KCNK9: variants seen among roughly 807,000 people sequenced by gnomAD.
The protein encoded by KCNK9 is potassium two pore domain channel subfamily K member 9, also known as potassium channel subfamily K member 9.
KCNK9 carries 1 observed loss-of-function variant against 10.8 expected under a neutral mutation model. The ratio of observed to expected loss-of-function variants is 0.09; its 90% CI spans 0.03 to 0.44. The LOEUF is 0.44. Ranked by LOEUF, KCNK9 falls within the 20% of genes least tolerant of loss-of-function variation. KCNK9 has a pLI of 0.97. For missense variants in KCNK9, 303 were observed against 515.0 expected (o/e 0.59, Z 3.98); for synonymous variants, 231 against 222.7 (o/e 1.04, Z -0.33).
chr8:139,618,209 A>G lies in KCNK9; in HGVS notation c.*49T>C, dbSNP rs759124317. 4.3e-6 allele frequency: 7 copies of G among 1,612,724 alleles called. No individual in the cohort carries two copies. Among genetic ancestry groups the G allele is most frequent in the Non-Finnish European group, 5.9e-6 (7 of 1,178,752 alleles). On this transcript the variant is annotated 3_prime_UTR_variant, in exon 2 of 2. Coordinates refer to ENST00000520439, the MANE Select transcript of KCNK9 (RefSeq NM_001282534.2). This position sits in a 1 kb window ranked among gnomAD's most constrained non-coding sequence, Gnocchi z 7.9. ...AAGACGAGTTGGACCAATGGAAATT[A>G]ACACCAACTATGACAAATGACTTTT...
intron 1 of KCNK9, among the ~76,000 whole-genome samples, chr8:139,667,575 A>G (rs1344722638): frequency 2.0e-5 from 3 of 152,026 alleles, no homozygotes; most frequent in Non-Finnish European, 4.4e-5. Flanking sequence ...GCATGCCTGT[A>G]ATCCCAGCTA....
rs113043575 is a variant in KCNK9, at chr8:139,675,352, C to T, written c.283+27358G>A. ...CGCTCTGCAGTGGACTCAGTGTGTC[C>T]CCTAAAATCCATATGTTAAAATTTT... On this transcript the variant is annotated intron_variant, in intron 1 of 1. Coordinates refer to ENST00000520439, the MANE Select transcript of KCNK9 (RefSeq NM_001282534.2). Among the ~76,000 whole-genome samples, 1,186 of 152,320 alleles carry T rather than the reference C, an allele frequency of 7.8e-3. 12 individuals are homozygous for T. Among genetic ancestry groups the T allele is most frequent in the African/African-American group, 0.027 (1,134 of 41,564 alleles).
intron 1 of KCNK9, among the ~76,000 whole-genome samples, chr8:139,651,025 G>A (rs1287871951): frequency 6.6e-6 from 1 of 152,194 alleles, no homozygotes; most frequent in African/African-American, 2.4e-5. Context: ...TGGGCTGCAG[G>A]TCAGGGAGCC....
intron 1 of KCNK9, among the ~76,000 whole-genome samples, chr8:139,687,352 ATGTATACATATATATG>A (rs1816813478): frequency 6.8e-6 from 1 of 147,152 alleles, no homozygotes; most frequent in South Asian, 2.1e-4. Context: ...ATATATATAT[ATGTATACATATATATG>A]TGTATACATA....
chr8:139,607,918 C>T (rs1814281363), downstream of KCNK9, among the ~76,000 whole-genome samples: 1 of 152,150 alleles, frequency 6.6e-6, no homozygotes, highest in Non-Finnish European at 1.5e-5. Context: ...AAGTGACTTG[C>T]CAAGACCAAG....
chr8:139,669,947 T>C (rs189076898), intron 1 of KCNK9, among the ~76,000 whole-genome samples: 17 of 152,324 alleles, frequency 1.1e-4, no homozygotes, highest in Non-Finnish European at 2.4e-4. Context: ...CATTAATCTC[T>C]TTGTACATCT....
chr8:139,646,341 T>G (rs1815677897), intron 1 of KCNK9, among the ~76,000 whole-genome samples: 1 of 152,142 alleles, frequency 6.6e-6, no homozygotes, highest in Non-Finnish European at 1.5e-5. Context: ...CATTTCTGAG[T>G]CTCTTCCAGT....
intron 1 of KCNK9, among the ~76,000 whole-genome samples, chr8:139,690,779 TG>T (rs1816919718): frequency 6.6e-6 from 1 of 152,162 alleles, no homozygotes; most frequent in Admixed American, 6.5e-5. Flanking sequence ...TTCATGACCT[TG>T]GGCAAGTCAC....
intron 2 of KCNK9, among the ~76,000 whole-genome samples, chr8:139,605,964 C>T (rs890876400): frequency 1.3e-5 from 2 of 152,088 alleles, no homozygotes; most frequent in Non-Finnish European, 1.5e-5. Context: ...GTGAAGGTGC[C>T]ATCTCCACAG....
intron 1 of KCNK9, among the ~76,000 whole-genome samples, chr8:139,655,186 C>A (rs1815986104): frequency 6.6e-6 from 1 of 152,108 alleles, no homozygotes. Context: ...AGGCTGCAGA[C>A]CCCTGTGGCC....
intron 1 of KCNK9, among the ~76,000 whole-genome samples, chr8:139,627,375 T>C (rs1005734988): frequency 3.9e-5 from 6 of 152,310 alleles, no homozygotes; most frequent in African/African-American, 1.2e-4. Context: ...GTAGGCACTC[T>C]GATGGTTTCA....
intron 1 of KCNK9, among the ~76,000 whole-genome samples, chr8:139,633,382 A>G (rs994959773): frequency 1.3e-5 from 2 of 152,144 alleles, no homozygotes; most frequent in African/African-American, 2.4e-5. Context: ...ATAGTCACTC[A>G]GTATCCTTGT....
rs201979190 is a variant in KCNK9 at position 139,619,074 on chromosome 8, G to A, written c.309C>T (p.Thr103=). The A allele has an allele frequency of 6.0e-5, 97 of 1,614,148 alleles. No homozygotes were observed. In the East Asian group the frequency reaches 8.9e-4, roughly 15 times the overall value. ...TIGYGHAAPG[T]DAGKAFCMFY... is the part of the protein sequence containing the mutation. ...ACATGCAGAAGGCCTTGCCCGCATC[G>A]GTGCCAGGTGCAGCGTGCCCATAAC... Residue 103 remains threonine, a synonymous_variant, in exon 2 of 2, where the codon ACC becomes ACT. Transcript: ENST00000520439.
chr8:139,620,693 C>A (rs752395528), intron 1 of KCNK9, among the ~76,000 whole-genome samples: 1 of 152,194 alleles, frequency 6.6e-6, no homozygotes, highest in African/African-American at 2.4e-5. Context: ...TCCAGAAGGC[C>A]TTCCCCCCAT....
At chr8:139,638,332 T>C (rs1815398715) in intron 1 of KCNK9, among the ~76,000 whole-genome samples, 1 of 152,192 alleles carries the variant, frequency 6.6e-6, no homozygotes, top group South Asian at 2.1e-4. Context: ...ACCAAGCCTA[T>C]GTCAATCAGA....
chr8:139,670,379 G>A (rs1250567935), intron 1 of KCNK9, among the ~76,000 whole-genome samples: 1 of 152,108 alleles, frequency 6.6e-6, no homozygotes, highest in East Asian at 1.9e-4. Flanking sequence ...ACACCAGTGG[G>A]CTTGATGACA....
chr8:139,646,909 C>T (rs1815704193), intron 1 of KCNK9, among the ~76,000 whole-genome samples: 1 of 152,238 alleles, frequency 6.6e-6, no homozygotes, highest in African/African-American at 2.4e-5. Flanking sequence ...CTGTGTGAAG[C>T]TCTATCATCT....
chr8:139,663,384 G>A (rs562702427), intron 1 of KCNK9, among the ~76,000 whole-genome samples: 9 of 151,942 alleles, frequency 5.9e-5, no homozygotes, highest in South Asian at 2.1e-4. Context: ...TGCTCTCGGC[G>A]CCCCCATCAA....
intron 1 of KCNK9, among the ~76,000 whole-genome samples, chr8:139,655,393 A>C: frequency 6.6e-6 from 1 of 152,110 alleles, no homozygotes; most frequent in East Asian, 1.9e-4. Flanking sequence ...CCACCCAGAC[A>C]TGCTGGCTGG....
Sources: gnomAD v4.1 joint callset for allele counts (sites outside exome capture counted in the v4.1 genomes callset) on GRCh38, gnomAD v4.1.1 for gene constraint, Gnocchi (gnomAD v3.1) non-coding constraint, MANE v1.5 for transcripts, NCBI Gene and HGNC (gene_info 2026-07-23, HGNC 2026-07-21) for gene names.